The following EPN2 variants were observed in gnomAD, a reference collection of about 807,000 sequenced individuals.
The protein encoded by EPN2 is epsin 2, also known as epsin-2.
In EPN2, 34 loss-of-function variants were observed where a neutral mutation model predicts 61.7. The observed-to-expected ratio is 0.55, with a 90% CI of 0.42 to 0.73. The LOEUF (loss-of-function observed/expected upper bound fraction) is 0.73. Ranked by LOEUF, EPN2 falls within the 30% of genes least tolerant of loss-of-function variation. The pLI, the probability that EPN2 is intolerant of heterozygous loss-of-function variation, is 0.00. For synonymous variants in EPN2, 349 were observed against 353.6 expected, an observed-to-expected ratio of 0.99 and a Z score of 0.15; for missense variants, 714 against 839.2, an observed-to-expected ratio of 0.85 and a Z score of 1.84.
chr17:19,281,312 A>G (rs550594716), intron 1 of EPN2, among the ~76,000 whole-genome samples: 1 of 152,332 alleles, frequency 6.6e-6, no homozygotes, highest in Non-Finnish European at 1.5e-5. Flanking sequence ...TCAGTCAATC[A>G]TTCACATGCA....
chr17:19,251,446 G>A (rs1050601310), intron 1 of EPN2, among the ~76,000 whole-genome samples: 1 of 152,026 alleles, frequency 6.6e-6, no homozygotes, highest in Non-Finnish European at 1.5e-5. Context: ...GACATCGCCT[G>A]GACCCCCAGC....
At chr17:19,303,635 G>A (rs1349089876) in intron 4 of EPN2, among the ~76,000 whole-genome samples, 2 of 152,214 alleles carry the variant, frequency 1.3e-5, no homozygotes, top group Non-Finnish European at 2.9e-5. Context: ...TCCCACCACC[G>A]ATAGTGCCAG....
chr17:19,279,531 C>T (rs112000304), intron 1 of EPN2, among the ~76,000 whole-genome samples: 8 of 151,794 alleles, frequency 5.3e-5, no homozygotes, highest in African/African-American at 1.4e-4. Flanking sequence ...CTCTGCCTCC[C>T]GGGTTCACGC....
chr17:19,242,849 A>T (rs935799261), intron 1 of EPN2, among the ~76,000 whole-genome samples: 13 of 152,194 alleles, frequency 8.5e-5, no homozygotes, highest in African/African-American at 3.1e-4. Context: ...ATAATTAATC[A>T]CTTCTGAGTG....
intron 1 of EPN2, among the ~76,000 whole-genome samples, chr17:19,265,986 C>T (rs1004078323): frequency 7.2e-5 from 11 of 152,058 alleles, no homozygotes; most frequent in African/African-American, 1.5e-4. Context: ...CCCATTCCCC[C>T]GCAGCTGGAT....
intron 6 of EPN2, among the ~76,000 whole-genome samples, chr17:19,312,489 C>G (rs1047605809): frequency 1.6e-4 from 25 of 152,230 alleles, no homozygotes; most frequent in African/African-American, 6.0e-4. Context: ...CCCAGAAGTG[C>G]TGGTTGCCTC....
At chr17:19,248,403 C>G (rs929070166) in intron 1 of EPN2, 5 of 152,208 alleles carry the variant, frequency 3.3e-5, no homozygotes. Flanking sequence ...TATCTGTTCT[C>G]TCAAGCTTGC....
intron 1 of EPN2, among the ~76,000 whole-genome samples, chr17:19,263,327 T>A (rs1373521270): frequency 6.6e-6 from 1 of 151,740 alleles, no homozygotes; most frequent in Non-Finnish European, 1.5e-5. Flanking sequence ...GTGGGGCCCA[T>A]CCCTGGGGCC....
intron 7 of EPN2, among the ~76,000 whole-genome samples, chr17:19,320,497 T>G (rs547502094): frequency 6.6e-6 from 1 of 152,322 alleles, no homozygotes; most frequent in Non-Finnish European, 1.5e-5. Flanking sequence ...CAGAGCTCAG[T>G]GTTTCTTATG....
chr17:19,251,915 A>T (rs1186256058), intron 1 of EPN2, among the ~76,000 whole-genome samples: 1 of 152,150 alleles, frequency 6.6e-6, no homozygotes, highest in African/African-American at 2.4e-5. Flanking sequence ...CGTGAAATTC[A>T]TTTATGTTTT....
chr17:19,245,075 G>A (rs2044930360), intron 1 of EPN2, among the ~76,000 whole-genome samples: 2 of 152,168 alleles, frequency 1.3e-5, no homozygotes, highest in Admixed American at 6.5e-5. Flanking sequence ...GGCTGGACCT[G>A]AATTCAGTCC....
intron 7 of EPN2, among the ~76,000 whole-genome samples, chr17:19,318,779 G>A (rs142232989): frequency 7.4e-4 from 112 of 152,056 alleles, no homozygotes; most frequent in African/African-American, 2.5e-3. Context: ...GGGTTCTCAC[G>A]TGGAAGCCTG....
At chr17:19,254,495 C>T (rs577938099) in intron 1 of EPN2, among the ~76,000 whole-genome samples, 3 of 152,122 alleles carry the variant, frequency 2.0e-5, no homozygotes, top group South Asian at 2.1e-4. Flanking sequence ...GAGCTAAGAT[C>T]GCACCACCGC....
chr17:19,295,266 T>G (rs370950931), intron 4 of EPN2, among the ~76,000 whole-genome samples: 5 of 151,972 alleles, frequency 3.3e-5, no homozygotes, highest in African/African-American at 1.2e-4. Context: ...GCCTCTCTTC[T>G]CCTCTCTCCT....
chr17:19,243,823 G>A (rs1196828593), intron 1 of EPN2, among the ~76,000 whole-genome samples: 13 of 152,174 alleles, frequency 8.5e-5, no homozygotes, highest in Non-Finnish European at 1.2e-4. Context: ...ACAGGTATGA[G>A]CCACTGTGCC....
At chr17:19,271,157 A>G (rs2045248807) in intron 1 of EPN2, among the ~76,000 whole-genome samples, 1 of 150,490 alleles carries the variant, frequency 6.6e-6, no homozygotes, top group African/African-American at 2.4e-5. Context: ...CCTTGGTCTC[A>G]GGGGGGTGGT....
intron 4 of EPN2, among the ~76,000 whole-genome samples, chr17:19,290,395 A>G (rs2045451563): frequency 6.6e-6 from 1 of 152,174 alleles, no homozygotes. Flanking sequence ...GGTAGACGGA[A>G]CCTACATCAA....
Position 19,283,566 on chromosome 17 carries a change from A to C in EPN2, c.447A>C (p.Lys149Asn), listed in dbSNP as rs770695680. The C allele has an allele frequency of 1.1e-5, 17 of 1,614,208 alleles. No individual in the cohort carries two copies. The highest frequency in any genetic ancestry group is 1.4e-5 in the Non-Finnish European group (17 of 1,180,038). The change falls in exon 3 of 11, where the codon AAA becomes AAC. Residue 149 changes from lysine (K) to asparagine (N), a missense_variant. Lys to Asn is a moderately conservative substitution (Grantham distance 94). Transcript: ENST00000314728. The surrounding 1 kb of genome is among the most constrained non-coding windows in gnomAD (Gnocchi z 7.0). ...AGGCTGAGAGGGCCCAGGCTCTCAAAACCAAAGAGCGCATGGCCCAGGTTG... is the reference window on the plus strand; with the variant it reads ...AGGCTGAGAGGGCCCAGGCTCTCAACACCAAAGAGCGCATGGCCCAGGTTG... The part of the protein sequence containing the change: ...RLKAERAQAL[K>N]TKERMAQVAT...
At chr17:19,308,488 G>A in intron 4 of EPN2, 1 of 985,438 alleles carries the variant, frequency 1.0e-6, no homozygotes, top group African/African-American at 1.7e-5. Context: ...CACCCAACAG[G>A]TGTTTGTCAG....
Sources: allele counts gnomAD v4.1 joint callset (sites outside exome capture counted in the v4.1 genomes callset), GRCh38; gene constraint gnomAD v4.1.1; non-coding constraint Gnocchi (gnomAD v3.1); transcripts MANE v1.5; gene names NCBI Gene and HGNC (gene_info 2026-07-23, HGNC 2026-07-21).